The following SETBP1 variants were observed in gnomAD, a reference collection of about 807,000 sequenced individuals.
SETBP1 encodes the protein SET binding protein 1, also known as SET-binding protein.
Under a neutral mutation model 101.0 loss-of-function variants are expected in SETBP1, and 9 were observed. The observed-to-expected ratio is 0.09, with a 90% CI of 0.05 to 0.16. The LOEUF is 0.16. SETBP1 is among the 10% of genes least tolerant of loss of function. The probability of loss-of-function intolerance (pLI) is 1.00; values close to 1 mark genes in which losing one functional copy is unlikely to be tolerated. For synonymous variants in SETBP1, 818 were observed against 788.5 expected, an observed-to-expected ratio of 1.04 and a Z score of -0.63; for missense variants, 1,858 against 2,033.8, an observed-to-expected ratio of 0.91 and a Z score of 1.66.
chr18:44,693,714 T>C (rs75481570), intron 1 of SETBP1, among the ~76,000 whole-genome samples: 2,904 of 152,296 alleles, frequency 0.019, 91 homozygotes, highest in African/African-American at 0.065. Context: ...TGAGTCTAGG[T>C]TGAAAATACA....
At chr18:45,025,137 G>A (rs62090484) in intron 4 of SETBP1, among the ~76,000 whole-genome samples, 1 of 152,174 alleles carries the variant, frequency 6.6e-6, no homozygotes, top group African/African-American at 2.4e-5. Context: ...AAGGCAGCTG[G>A]GGTTTCAAGG....
At chr18:45,031,492 C>T (rs1378267449) in intron 4 of SETBP1, among the ~76,000 whole-genome samples, 2 of 152,050 alleles carry the variant, frequency 1.3e-5, no homozygotes, top group Non-Finnish European at 1.5e-5. Context: ...CTAGTAAGAC[C>T]AGCAGTCTCA....
At chr18:44,986,022 G>A (rs1014011485) in intron 4 of SETBP1, 1 of 152,136 alleles carries the variant, frequency 6.6e-6, no homozygotes, top group East Asian at 1.9e-4. Flanking sequence ...AGTAGCTAAG[G>A]AACAACTACA....
chr18:44,850,062 C>T (rs1213910217), intron 2 of SETBP1, among the ~76,000 whole-genome samples: 1 of 152,176 alleles, frequency 6.6e-6, no homozygotes, highest in African/African-American at 2.4e-5. Flanking sequence ...CTCTCACCTC[C>T]AAAACTTGAT....
chr18:44,976,544 G>A (rs1404126389), intron 4 of SETBP1, among the ~76,000 whole-genome samples: 1 of 152,218 alleles, frequency 6.6e-6, no homozygotes, highest in African/African-American at 2.4e-5. Flanking sequence ...GCCATCCCGT[G>A]TTTGGGGCCT....
intron 2 of SETBP1, among the ~76,000 whole-genome samples, chr18:44,757,518 C>A (rs1219326030): frequency 1.3e-5 from 2 of 152,152 alleles, no homozygotes; most frequent in Admixed American, 1.3e-4. Flanking sequence ...GTATCCCCGG[C>A]CAGCCTCCAC....
intron 2 of SETBP1, among the ~76,000 whole-genome samples, chr18:44,758,892 T>C (rs1356205461): frequency 6.6e-6 from 1 of 152,210 alleles, no homozygotes; most frequent in East Asian, 1.9e-4. Flanking sequence ...ATTTCTTCCA[T>C]TGTCCATTGA....
intron 4 of SETBP1, among the ~76,000 whole-genome samples, chr18:45,019,725 G>A (rs1035617651): frequency 6.6e-6 from 1 of 152,078 alleles, no homozygotes; most frequent in African/African-American, 2.4e-5. Flanking sequence ...CCCACATTAG[G>A]CCATTACCTG....
At chr18:44,962,837 GA>G (rs1209081817) in intron 4 of SETBP1, among the ~76,000 whole-genome samples, 1 of 152,178 alleles carries the variant, frequency 6.6e-6, no homozygotes, top group Non-Finnish European at 1.5e-5. Context: ...GGGCTGGGGA[GA>G]AAGTTGGGCA....
intron 4 of SETBP1, among the ~76,000 whole-genome samples, chr18:45,033,330 G>A (rs897766892): frequency 4.6e-5 from 7 of 152,232 alleles, no homozygotes; most frequent in African/African-American, 1.7e-4. Flanking sequence ...CATATGATAT[G>A]TGAGCTTGGG....
intron 2 of SETBP1, among the ~76,000 whole-genome samples, chr18:44,755,850 T>C (rs867150789): frequency 6.6e-6 from 1 of 152,156 alleles, no homozygotes; most frequent in Non-Finnish European, 1.5e-5. Flanking sequence ...TTAAAAAAAG[T>C]TAAACAGGGT....
intron 1 of SETBP1, among the ~76,000 whole-genome samples, chr18:44,700,826 C>T (rs1250341010): frequency 6.6e-6 from 1 of 152,128 alleles, no homozygotes; most frequent in Non-Finnish European, 1.5e-5. Context: ...CTTCAGACTT[C>T]CCTTTCGTCA....
rs2073442694 is a variant in SETBP1, at chr18:45,038,445, C to T, written c.4001-40C>T. The T allele has an allele frequency of 3.1e-6, 5 of 1,599,824 alleles. No homozygotes were observed. The East Asian group carries it at 8.9e-5, about 29-fold the overall frequency. ...TTACATGTTGTCTATCTTCCTGTTC[C>T]CTTAAAGTGACTGAAAGCTTTGGGG... On this transcript the variant is annotated intron_variant, in intron 4 of 5. Coordinates refer to ENST00000649279, the MANE Select transcript of SETBP1 (RefSeq NM_015559.3).
chr18:44,824,019 G>A (rs2072177528), intron 2 of SETBP1, among the ~76,000 whole-genome samples: 2 of 152,192 alleles, frequency 1.3e-5, no homozygotes, highest in African/African-American at 2.4e-5. Context: ...CTTGACAGGA[G>A]ACATTACTCA....
intron 4 of SETBP1, among the ~76,000 whole-genome samples, chr18:45,024,801 A>G (rs1386946173): frequency 6.6e-6 from 1 of 152,234 alleles, no homozygotes; most frequent in Non-Finnish European, 1.5e-5. Context: ...CCATTTCTTA[A>G]ACAGGGGCTT....
intron 5 of SETBP1, among the ~76,000 whole-genome samples, chr18:45,055,523 G>A (rs2073794081): frequency 6.6e-6 from 1 of 151,930 alleles, no homozygotes; most frequent in Admixed American, 6.6e-5. Flanking sequence ...GGAGAGCCAA[G>A]CAATTGAGTT....
chr18:44,702,942 G>A (rs370375990), intron 2 of SETBP1, among the ~76,000 whole-genome samples: 2 of 152,228 alleles, frequency 1.3e-5, no homozygotes, highest in East Asian at 1.9e-4. Context: ...AAACATGGAT[G>A]TGCAAAGTAG....
At chr18:44,928,773 G>C (rs2070759386) in intron 3 of SETBP1, among the ~76,000 whole-genome samples, 1 of 152,130 alleles carries the variant, frequency 6.6e-6, no homozygotes. Flanking sequence ...TTTTTGATGG[G>C]ATTGTTTGAT....
At chr18:44,713,361 G>A (rs1271089710) in intron 2 of SETBP1, among the ~76,000 whole-genome samples, 1 of 152,072 alleles carries the variant, frequency 6.6e-6, no homozygotes, top group Non-Finnish European at 1.5e-5. Context: ...GCCACCTTTC[G>A]CGGCAGCCCT....
Sources: allele counts gnomAD v4.1 joint callset (sites outside exome capture counted in the v4.1 genomes callset), GRCh38; gene constraint gnomAD v4.1.1; transcripts MANE v1.5; gene names NCBI Gene and HGNC (gene_info 2026-07-23, HGNC 2026-07-21).